Variants in GRIK2 observed in about 807,000 individuals in gnomAD.
GRIK2 encodes the protein glutamate receptor ionotropic, kainate 2.
A neutral mutation model predicts 100.3 loss-of-function variants in GRIK2; 32 were observed. The ratio of observed to expected loss-of-function variants is 0.32; its 90% CI spans 0.24 to 0.43. The LOEUF is 0.43. Ranked by LOEUF, GRIK2 falls within the 20% of genes least tolerant of loss-of-function variation. The pLI, the probability that GRIK2 is intolerant of heterozygous loss-of-function variation, is 1.00. For missense variants in GRIK2, 843 were observed against 1,114.9 expected, an observed-to-expected ratio of 0.76 and a Z score of 3.47; for synonymous variants, 417 against 389.4, an observed-to-expected ratio of 1.07 and a Z score of -0.83.
chr6:101,783,023 AT>A (rs1002718000), intron 7 of GRIK2, among the ~76,000 whole-genome samples: 2 of 151,396 alleles, frequency 1.3e-5, no homozygotes, highest in African/African-American at 2.4e-5. Flanking sequence ...TGCCCGGCTA[AT>A]TTTTTTTGTA....
intron 4 of GRIK2, among the ~76,000 whole-genome samples, chr6:101,634,169 G>T (rs546520663): frequency 1.3e-5 from 2 of 152,218 alleles, no homozygotes; most frequent in South Asian, 4.1e-4. Context: ...GTTGAAAAGA[G>T]ATGACAGTTT....
chr6:101,518,652 T>C (rs1485154644), intron 2 of GRIK2, among the ~76,000 whole-genome samples: 1 of 152,164 alleles, frequency 6.6e-6, no homozygotes, highest in African/African-American at 2.4e-5. Flanking sequence ...TACAGCCAAA[T>C]GTGTTTGAGA....
chr6:101,843,457 T>A (rs1783632301), intron 10 of GRIK2, among the ~76,000 whole-genome samples: 1 of 152,196 alleles, frequency 6.6e-6, no homozygotes, highest in African/African-American at 2.4e-5. Flanking sequence ...CTTCTTTAAC[T>A]CCATAGTTAT....
chr6:101,439,424 A>G (rs1310153101), intron 2 of GRIK2, among the ~76,000 whole-genome samples: 3 of 152,074 alleles, frequency 2.0e-5, no homozygotes, highest in Non-Finnish European at 2.9e-5. Context: ...TATTATCTCA[A>G]TTATCTCATC....
chr6:101,587,980 A>C (rs1778457447), intron 2 of GRIK2, among the ~76,000 whole-genome samples: 1 of 152,138 alleles, frequency 6.6e-6, no homozygotes, highest in Non-Finnish European at 1.5e-5. Flanking sequence ...TAATGGCTCA[A>C]AAATAACTTT....
At chr6:101,749,986 C>CT (rs982450288) in intron 7 of GRIK2, among the ~76,000 whole-genome samples, 62 of 150,846 alleles carry the variant, frequency 4.1e-4, no homozygotes, top group African/African-American at 1.3e-3. Flanking sequence ...CTAATTTTTA[C>CT]TTTTTTTTGG....
At chr6:101,893,896 A>C (rs1372469485) in intron 12 of GRIK2, among the ~76,000 whole-genome samples, 2 of 151,638 alleles carry the variant, frequency 1.3e-5, no homozygotes, top group Non-Finnish European at 3.0e-5. Context: ...CCCTTGAATA[A>C]ATTTATAATA....
chr6:101,942,495 C>G (rs1456199571), intron 14 of GRIK2, among the ~76,000 whole-genome samples: 2 of 152,094 alleles, frequency 1.3e-5, no homozygotes, highest in Admixed American at 1.3e-4. Flanking sequence ...ATGGTTTTGA[C>G]CAAAATGCTG....
At chr6:101,799,619 T>G in intron 7 of GRIK2, 29 bp from the exon 8 acceptor site, 1 of 1,592,068 alleles carries the variant, frequency 6.3e-7, no homozygotes, top group Non-Finnish European at 8.6e-7. Flanking sequence ...TTATATTGAC[T>G]ATAAATTTCC....
rs557162259 is a variant in GRIK2 at position 101,648,750 on chromosome 6, G to A, written c.541+22113G>A. 8.2e-4 allele frequency among the ~76,000 whole-genome samples: 124 copies of A among 152,086 alleles called. 1 individual carries two copies. The highest frequency in any genetic ancestry group is 2.7e-3 in the African/African-American group (114 of 41,510). ...TTATTTATATCGTTAGAGAATTAGA[G>A]AAGAAACTATATGTATTAGTCTGTT... is the stretch of plus-strand genomic sequence containing the variant. On this transcript the variant is annotated intron_variant, in intron 4 of 16. Transcript: ENST00000369134.
At chr6:101,433,575 T>C (rs759471583) in intron 2 of GRIK2, among the ~76,000 whole-genome samples, 1 of 152,166 alleles carries the variant, frequency 6.6e-6, no homozygotes, top group Non-Finnish European at 1.5e-5. Flanking sequence ...TCTGATCTGA[T>C]GTGTCTAAAA....
chr6:102,031,080 C>CACACAG (rs1467995936), intron 14 of GRIK2, among the ~76,000 whole-genome samples: 92 of 64,318 alleles, frequency 1.4e-3, no homozygotes, highest in Non-Finnish European at 1.7e-3. Flanking sequence ...ATGCATTACA[C>CACACAG]ACACACACAC....
intron 14 of GRIK2, among the ~76,000 whole-genome samples, chr6:101,959,282 T>G (rs895897352): frequency 1.3e-5 from 2 of 152,144 alleles, no homozygotes; most frequent in Admixed American, 1.3e-4. Flanking sequence ...TGATTCAATG[T>G]CATTACTCAT....
At chr6:101,635,954 G>T (rs1780988975) in intron 4 of GRIK2, among the ~76,000 whole-genome samples, 1 of 152,076 alleles carries the variant, frequency 6.6e-6, no homozygotes, top group African/African-American at 2.4e-5. Context: ...GATTCCTCAA[G>T]GATCTAGAAC....
intron 2 of GRIK2, among the ~76,000 whole-genome samples, chr6:101,458,198 T>TG (rs1487281705): frequency 2.0e-5 from 3 of 152,070 alleles, no homozygotes; most frequent in African/African-American, 4.8e-5. Context: ...GGGATCTTTT[T>TG]TTTTTAAAGG....
At chr6:101,494,957 A>G (rs1773347268) in intron 2 of GRIK2, among the ~76,000 whole-genome samples, 1 of 126,816 alleles carries the variant, frequency 7.9e-6, no homozygotes, top group South Asian at 2.7e-4. Flanking sequence ...AAAAAGTAAT[A>G]CCTATATATG....
intron 14 of GRIK2, among the ~76,000 whole-genome samples, chr6:101,982,784 T>C (rs58125009): frequency 0.11 from 17,096 of 151,554 alleles, 2,703 homozygotes; most frequent in African/African-American, 0.35. Flanking sequence ...TGGCACCACT[T>C]ACATAAGCCC....
intron 2 of GRIK2, among the ~76,000 whole-genome samples, chr6:101,514,542 G>A (rs953998889): frequency 6.6e-6 from 1 of 151,984 alleles, no homozygotes; most frequent in African/African-American, 2.4e-5. Context: ...TCCTTTTAGG[G>A]TTAATAGTAA....
At chr6:101,725,589 A>G (rs1774803747) in intron 7 of GRIK2, among the ~76,000 whole-genome samples, 1 of 152,044 alleles carries the variant, frequency 6.6e-6, no homozygotes, top group South Asian at 2.1e-4. Flanking sequence ...TGAGTAAATC[A>G]TCTCAGAAAA....
Sources: gnomAD v4.1 joint callset for allele counts (sites outside exome capture counted in the v4.1 genomes callset) on GRCh38, gnomAD v4.1.1 for gene constraint, MANE v1.5 for transcripts, NCBI Gene and HGNC (gene_info 2026-07-23, HGNC 2026-07-21) for gene names.